Variants in KLC1 observed in about 807,000 individuals in gnomAD.
KLC1 encodes the protein kinesin 2 60/70kDa.
A neutral mutation model predicts 84.2 loss-of-function variants in KLC1; 30 were observed. The ratio of observed to expected loss-of-function variants is 0.36; its 90% CI spans 0.27 to 0.48. The LOEUF is 0.48. KLC1 is among the 20% of genes least tolerant of loss of function. The pLI, the probability that KLC1 is intolerant of heterozygous loss-of-function variation, is 0.99. For synonymous variants in KLC1, 289 were observed against 293.3 expected, an observed-to-expected ratio of 0.99 and a Z score of 0.15; for missense variants, 499 against 805.4, an observed-to-expected ratio of 0.62 and a Z score of 4.60.
In KLC1 at chr14:103,693,918, C is replaced by T. The variant is rs958747367; in HGVS notation, c.1848+1493C>T. 25 of 1,261,678 alleles carry T rather than the reference C, an allele frequency of 2.0e-5. No individual in the cohort carries two copies. The highest frequency in any genetic ancestry group is 2.3e-5 in the Non-Finnish European group (23 of 1,001,356). The allele number at this position is 1,261,678 out of a possible 1,614,324, so 78.2% of individuals were successfully genotyped here. On this transcript the variant is annotated intron_variant, in intron 15 of 16. Coordinates refer to ENST00000334553, the MANE Select transcript of KLC1 (RefSeq NM_001394837.1). The surrounding 1 kb of genome is among the most constrained non-coding windows in gnomAD (Gnocchi z 5.1). The stretch of plus-strand genomic sequence containing the variant: ...AGCACGCTGGGGATTGGCTCCTGCT[C>T]ACGGATGCTGTTGCATTTCCTGCCT...
At chr14:103,636,798 C>T (rs2077076257) in intron 1 of KLC1, among the ~76,000 whole-genome samples, 1 of 152,108 alleles carries the variant, frequency 6.6e-6, no homozygotes, top group Admixed American at 6.6e-5. Context: ...TCTCGGCTCA[C>T]TGCAAGCTCT....
At chr14:103,666,263 C>A (rs1281206726) in intron 5 of KLC1, among the ~76,000 whole-genome samples, 1 of 152,052 alleles carries the variant, frequency 6.6e-6, no homozygotes, top group East Asian at 1.9e-4. Context: ...CGGAGTTTCA[C>A]CATGTTAGCC....
rs898791629 is a variant in KLC1 at position 103,692,373 on chromosome 14, G to T, written c.1796G>T (p.Ser599Ile). Residue 599 changes from serine (S) to isoleucine (I), a missense_variant, in exon 15 of 17, where the codon AGC (serine) becomes ATC (isoleucine). This residue lies in a region of KLC1 where 167 missense variants were observed against 208.8 expected (regional missense o/e 0.80). Transcript: ENST00000334553. ...CCGGGTTGCAGCATGAAGCGTGCCA[G>T]CTCTCTGAATGTCCTTAACGTGGGT... The part of the protein sequence containing the change: ...EPKNPGMKRA[S>I]SLNVLNVGGK... 1 of 1,536,674 alleles carries T rather than the reference G, an allele frequency of 6.5e-7. No homozygotes were observed. Among genetic ancestry groups the T allele is most frequent in the Non-Finnish European group, 8.7e-7 (1 of 1,147,014 alleles).
intron 1 of KLC1, among the ~76,000 whole-genome samples, chr14:103,638,233 T>C (rs757414982): frequency 2.6e-5 from 4 of 152,196 alleles, no homozygotes; most frequent in Non-Finnish European, 5.9e-5. Flanking sequence ...ATCCCATTTT[T>C]CCTTAATGTG....
intron 5 of KLC1, among the ~76,000 whole-genome samples, chr14:103,665,215 GGATT>G (rs142226206): frequency 0.021 from 3,188 of 150,438 alleles, 97 homozygotes; most frequent in African/African-American, 0.074. Context: ...TCAAGATTTT[GGATT>G]GATTGATTGG....
At chr14:103,651,331 T>C (rs1301472858) in intron 1 of KLC1, among the ~76,000 whole-genome samples, 1 of 152,216 alleles carries the variant, frequency 6.6e-6, no homozygotes, top group African/African-American at 2.4e-5. Context: ...ATTCATAGAA[T>C]GATCTTTAGT....
chr14:103,683,906 G>C (rs2081570799), intron 13 of KLC1: 1 of 152,242 alleles, frequency 6.6e-6, no homozygotes, highest in South Asian at 2.1e-4. Context: ...GGCTGGACGA[G>C]GTGGCTCATG....
chr14:103,693,527 A>G lies in KLC1; in HGVS notation c.1848+1102A>G, dbSNP rs1392036317. ...TCATTTGAAGTCCTGGTTAAGTGTAATTTTTCTATTTGTTTTTTCATGCAG... is the reference window on the plus strand; with the variant it reads ...TCATTTGAAGTCCTGGTTAAGTGTAGTTTTTCTATTTGTTTTTTCATGCAG... On this transcript the variant is annotated intron_variant, in intron 15 of 16. Coordinates refer to ENST00000334553, the MANE Select transcript of KLC1 (RefSeq NM_001394837.1). The surrounding 1 kb of genome is among the most constrained non-coding windows in gnomAD (Gnocchi z 5.1). 1 of 1,535,406 alleles carries G rather than the reference A, an allele frequency of 6.5e-7. No homozygotes were observed. Among genetic ancestry groups the G allele is most frequent in the Admixed American group, 2.0e-5 (1 of 50,942 alleles).
Position 103,670,288 on chromosome 14 carries a change from A to T in KLC1, c.987+5A>T. ...GCTCTGGAAATCCGAGAAAAGGTAC[A>T]AAAGAAGGGGGCAGTCGTTTTCTTT... On this transcript the variant is annotated splice_donor_5th_base_variant and intron_variant, in intron 7 of 16. Coordinates refer to ENST00000334553, the MANE Select transcript of KLC1 (RefSeq NM_001394837.1). 6.2e-7 allele frequency: 1 copy of T among 1,604,002 alleles called. No individual in the cohort carries two copies. The highest frequency in any genetic ancestry group is 8.5e-7 in the Non-Finnish European group (1 of 1,172,318).
chr14:103,635,543 C>G lies in KLC1; in HGVS notation c.-2+6049C>G, dbSNP rs1595214284. On this transcript the variant is annotated intron_variant, in intron 1 of 16. Coordinates refer to ENST00000334553, the MANE Select transcript of KLC1 (RefSeq NM_001394837.1). ...CTGAGGAGGGCGGATCACCTGAGGT[C>G]AGGAGTTTGAGACCAGCCTGGCCAA... 2.0e-5 allele frequency among the ~76,000 whole-genome samples: 3 copies of G among 152,076 alleles called. No homozygotes were observed. In the South Asian group the frequency reaches 6.2e-4, roughly 31 times the overall value.
chr14:103,648,448 A>G (rs1202109101), intron 1 of KLC1, among the ~76,000 whole-genome samples: 1 of 152,076 alleles, frequency 6.6e-6, no homozygotes, highest in Non-Finnish European at 1.5e-5. Flanking sequence ...ATGTCCTCAG[A>G]ATGTGGTAGT....
chr14:103,676,447 G>T (rs1356179243), intron 11 of KLC1, among the ~76,000 whole-genome samples: 1 of 152,078 alleles, frequency 6.6e-6, no homozygotes, highest in African/African-American at 2.4e-5. Context: ...TGTATTTTTA[G>T]TAGAGACAGA....
chr14:103,685,329 C>G (rs554286714), intron 13 of KLC1: 1 of 1,277,236 alleles, frequency 7.8e-7, no homozygotes, highest in Non-Finnish European at 1.0e-6. Flanking sequence ...ACTTGTAAAG[C>G]CTTTTACACC....
At chr14:103,640,052 G>C (rs548339974) in intron 1 of KLC1, among the ~76,000 whole-genome samples, 65 of 152,256 alleles carry the variant, frequency 4.3e-4, no homozygotes, top group Non-Finnish European at 8.2e-4. Flanking sequence ...ACTGAGTCAG[G>C]CTGTGAATTC....
At chr14:103,646,691 T>G (rs1316328624) in intron 1 of KLC1, among the ~76,000 whole-genome samples, 3 of 151,954 alleles carry the variant, frequency 2.0e-5, no homozygotes, top group Non-Finnish European at 4.4e-5. Flanking sequence ...CCCAGTCTGG[T>G]CTTGAACCCC....
rs753985011 is a variant in KLC1 at position 103,679,425 on chromosome 14, C to T, written c.1530C>T (p.Leu510=). 23 of 1,613,980 alleles carry T rather than the reference C, an allele frequency of 1.4e-5. No homozygotes were observed. Among genetic ancestry groups the T allele is most frequent in the Non-Finnish European group, 1.7e-5 (20 of 1,180,034 alleles). ...ACAAACAGAGGGTGGCAGAAGTGCT[C>T]AATGACCCTGAGAACATGGAGAAGC... is the stretch of plus-strand genomic sequence containing the variant. The part of the protein sequence containing the change: ...NVHKQRVAEV[L]NDPENMEKRR... The change falls in exon 13 of 17, where the codon CTC becomes CTT. Residue 510 remains leucine, a synonymous_variant. Coordinates refer to ENST00000334553, the MANE Select transcript of KLC1 (RefSeq NM_001394837.1).
chr14:103,645,094 C>T (rs2077805167), intron 1 of KLC1, among the ~76,000 whole-genome samples: 1 of 152,118 alleles, frequency 6.6e-6, no homozygotes. Context: ...CTGCCTCAGC[C>T]TCTCAAGTAA....
intron 15 of KLC1, chr14:103,696,769 A>C (rs1337770000): frequency 1.0e-6 from 1 of 985,458 alleles, no homozygotes; most frequent in Non-Finnish European, 1.2e-6. Context: ...ATGGTGAGGC[A>C]ATGAGGGTCA....
intron 12 of KLC1, among the ~76,000 whole-genome samples, chr14:103,677,935 C>T (rs898972130): frequency 2.0e-5 from 3 of 149,226 alleles, no homozygotes; most frequent in Admixed American, 6.8e-5. Flanking sequence ...CCACTGCACT[C>T]CAACCTGGGT....
Sources: allele counts gnomAD v4.1 joint callset (sites outside exome capture counted in the v4.1 genomes callset), GRCh38; gene constraint gnomAD v4.1.1; regional missense constraint gnomAD v4.1.1; non-coding constraint Gnocchi (gnomAD v3.1); transcripts MANE v1.5; gene names NCBI Gene and HGNC (gene_info 2026-07-23, HGNC 2026-07-21).